ENTPD4: variants seen among roughly 807,000 people sequenced by gnomAD.
The protein encoded by ENTPD4 is ectonucleoside triphosphate diphosphohydrolase 4, also known as Golgi UDPase.
In ENTPD4, 60 loss-of-function variants were observed where a neutral mutation model predicts 79.1. The observed-to-expected ratio is 0.76, with a 90% CI of 0.62 to 0.94. The LOEUF (loss-of-function observed/expected upper bound fraction) is 0.94. ENTPD4 is among the 40% of genes least tolerant of loss of function. ENTPD4 has a pLI of 0.00. For synonymous variants in ENTPD4, 276 were observed against 292.0 expected, an observed-to-expected ratio of 0.95 and a Z score of 0.56; for missense variants, 772 against 775.1, an observed-to-expected ratio of 1.00 and a Z score of 0.05.
rs764827906 is a variant in ENTPD4 at position 23,441,623 on chromosome 8, C to T, written c.828G>A (p.Ser276=). Reference sequence around the variant, plus strand: ...TGGGGACTTCGTACGCTATCTGAGTCGACACGCCGCCCATGTCGAGAATGC... The same window carrying T: ...TGGGGACTTCGTACGCTATCTGAGTTGACACGCCGCCCATGTCGAGAATGC... ...TAGILDMGGV[S]TQIAYEVPKT... is the part of the protein sequence containing the mutation. The change falls in exon 8 of 13, where the codon TCG becomes TCA. Residue 276 remains serine, a synonymous_variant. Coordinates refer to ENST00000358689, the MANE Select transcript of ENTPD4 (RefSeq NM_004901.5). The T allele has an allele frequency of 3.1e-6, 5 of 1,614,182 alleles. No homozygotes were observed. The highest frequency in any genetic ancestry group is 1.1e-5 in the South Asian group (1 of 91,080).
chr8:23,447,634 G>C, intron 4 of ENTPD4, 46 bp downstream of exon 4: 12 of 1,450,410 alleles, frequency 8.3e-6, no homozygotes, highest in Non-Finnish European at 1.2e-5. Context: ...CACAGAGAAT[G>C]AAGGTACACA....
In ENTPD4 at chr8:23,439,804, C is replaced by T. The variant is rs775250475; in HGVS notation, c.994G>A (p.Ala332Thr). The T allele has an allele frequency of 6.2e-7, 1 of 1,614,210 alleles. No homozygotes were observed. Among genetic ancestry groups the T allele is most frequent in the South Asian group, 1.1e-5 (1 of 91,084 alleles). ...VATFLGFGGNAARQRYEDRIF... is the reference protein window; with the variant it reads ...VATFLGFGGNTARQRYEDRIF... ...CTGTCTTCGTATCTCTGTCGAGCAGCATTGCCACCAAACCCAAGAAACGTG... is the reference window on the plus strand; with the variant it reads ...CTGTCTTCGTATCTCTGTCGAGCAGTATTGCCACCAAACCCAAGAAACGTG... The change falls in exon 9 of 13, where the codon GCT (alanine) becomes ACT (threonine). Residue 332 changes from alanine to threonine, a missense_variant. By Grantham distance (58) the Ala-to-Thr change is moderately conservative. Transcript: ENST00000358689.
chr8:23,436,272 C>T (rs546929897), intron 10 of ENTPD4, among the ~76,000 whole-genome samples: 58 of 152,194 alleles, frequency 3.8e-4, no homozygotes, highest in Non-Finnish European at 6.8e-4. Flanking sequence ...TGACTGATTA[C>T]ACTGGGGTGT....
intron 5 of ENTPD4, 150 bp from the exon 6 acceptor site, chr8:23,444,103 T>C (rs1391774710): frequency 1.8e-6 from 1 of 566,026 alleles, no homozygotes; most frequent in Non-Finnish European, 3.1e-6. Flanking sequence ...AAGAAATTCG[T>C]TGGAAAGATT....
chr8:23,431,222 C>T lies in ENTPD4; in HGVS notation c.*1704G>A. ...ACAGGCCTTTTCTCTCCTGTTTCTC[C>T]AAACTCTCCCAGCCTCTGCCCAGTA... On this transcript the variant is annotated 3_prime_UTR_variant, in exon 13 of 13. Transcript: ENST00000358689. 1.8e-6 allele frequency: 1 copy of T among 567,862 alleles called. No individual in the cohort carries two copies. Among genetic ancestry groups the T allele is most frequent in the Non-Finnish European group, 2.2e-6 (1 of 449,118 alleles). The allele number at this position is 567,862 out of a possible 1,614,324, so 35.2% of individuals were successfully genotyped here. A position where few individuals can be genotyped will look rare whatever the true frequency, so the allele number is the denominator to read the frequency against.
chr8:23,439,999 C>G lies in ENTPD4; in HGVS notation c.883-84G>C, dbSNP rs79334888. 7.0e-3 allele frequency: 8,085 copies of G among 1,158,628 alleles called. 375 individuals carry two copies. The African/African-American group carries it at 0.1, about 15-fold the overall frequency. 71.8% of individuals were successfully genotyped at this position (1,158,628 alleles called of 1,614,324 possible). A position where few individuals can be genotyped will look rare whatever the true frequency, so the allele number is the denominator to read the frequency against. ...AAGAAAAGTCTAAAAATAGTCTCAT[C>G]TAAAAGGGACAAAAATGTCTGCTTC... On this transcript the variant is annotated intron_variant, in intron 8 of 12. Coordinates refer to ENST00000358689, the MANE Select transcript of ENTPD4 (RefSeq NM_004901.5).
Position 23,429,192 on chromosome 8 carries a change from T to C in ENTPD4, c.*3734A>G, listed in dbSNP as rs1800413996. 1.0e-6 allele frequency: 1 copy of C among 985,346 alleles called. No individual in the cohort carries two copies. Among genetic ancestry groups the C allele is most frequent in the Admixed American group, 6.1e-5 (1 of 16,276 alleles). 61.0% of individuals were successfully genotyped at this position (985,346 alleles called of 1,614,324 possible). On this transcript the variant is annotated 3_prime_UTR_variant, in exon 13 of 13. Coordinates refer to ENST00000358689, the MANE Select transcript of ENTPD4 (RefSeq NM_004901.5). The stretch of plus-strand genomic sequence containing the variant: ...TGATGAACTTTCGTTTTATTGATTT[T>C]TCAGTACCCAAGTGTGGCACTGTAA...
chr8:23,453,719 T>TG (rs1800904878), intron 1 of ENTPD4, among the ~76,000 whole-genome samples: 1 of 152,182 alleles, frequency 6.6e-6, no homozygotes, highest in South Asian at 2.1e-4. Flanking sequence ...CTGGGGGTAC[T>TG]GGGGTGACAC....
intron 3 of ENTPD4, 127 bp from the exon 4 acceptor site, chr8:23,448,012 T>C: frequency 8.8e-6 from 6 of 685,380 alleles, no homozygotes; most frequent in South Asian, 7.2e-5. Context: ...ATAACATCAA[T>C]ACAACTGTTG....
chr8:23,429,754 C>T lies in ENTPD4; in HGVS notation c.*3172G>A, dbSNP rs78390958. ...TGGGCAGGGGCCCCATGTTACTGGC[C>T]TCAGCCACCAGCAGCGTCTTCACTC... On this transcript the variant is annotated 3_prime_UTR_variant, in exon 13 of 13. Coordinates refer to ENST00000358689, the MANE Select transcript of ENTPD4 (RefSeq NM_004901.5). 1 of 985,470 alleles carries T rather than the reference C, an allele frequency of 1.0e-6. No individual in the cohort carries two copies. The highest frequency in any genetic ancestry group is 1.7e-5 in the African/African-American group (1 of 57,366). The allele number at this position is 985,470 out of a possible 1,614,324, so 61.0% of individuals were successfully genotyped here. A position where few individuals can be genotyped will look rare whatever the true frequency, so the allele number is the denominator to read the frequency against.
rs1267500648 is a variant in ENTPD4, at chr8:23,431,822, A to G, written c.*1104T>C. On this transcript the variant is annotated 3_prime_UTR_variant, in exon 13 of 13. Coordinates refer to ENST00000358689, the MANE Select transcript of ENTPD4 (RefSeq NM_004901.5). ...TAAAACCGAAACTGGTGAAACTAGG[A>G]ATTTCCAATTCTTTCAAAACCACAG... is the stretch of plus-strand genomic sequence containing the variant. 1.0e-6 allele frequency: 1 copy of G among 985,340 alleles called. No homozygotes were observed. Among genetic ancestry groups the G allele is most frequent in the Non-Finnish European group, 1.2e-6 (1 of 829,940 alleles). 61.0% of individuals were successfully genotyped at this position (985,340 alleles called of 1,614,324 possible).
At chr8:23,450,333 C>G (rs1011444306) in intron 1 of ENTPD4, among the ~76,000 whole-genome samples, 1 of 152,208 alleles carries the variant, frequency 6.6e-6, no homozygotes, top group African/African-American at 2.4e-5. Context: ...GCAGAATAAG[C>G]TGAATGTGAA....
intron 1 of ENTPD4, among the ~76,000 whole-genome samples, chr8:23,451,284 T>C (rs1252363477): frequency 6.6e-6 from 1 of 152,178 alleles, no homozygotes; most frequent in Non-Finnish European, 1.5e-5. Context: ...CCTCCCAAAG[T>C]GCTGGGATTA....
At chr8:23,434,140 G>C in intron 12 of ENTPD4, 177 bp downstream of exon 12, 1 of 710,474 alleles carries the variant, frequency 1.4e-6, no homozygotes, top group Non-Finnish European at 2.4e-6. Context: ...GGTGAGAAGG[G>C]AGGAAGCACT....
At position 23,443,830 on chromosome 8, in the gene ENTPD4, C is replaced by A; in HGVS notation, c.667+20G>T. 2 of 1,524,882 alleles carry A rather than the reference C, an allele frequency of 1.3e-6. No individual in the cohort carries two copies. Among genetic ancestry groups the A allele is most frequent in the South Asian group, 1.1e-5 (1 of 88,566 alleles). The allele number at this position is 1,524,882 out of a possible 1,614,324, so 94.5% of individuals were successfully genotyped here. On this transcript the variant is annotated intron_variant, in intron 6 of 12. Transcript: ENST00000358689. ...AAGGAACAGCTTCCCAAATTTTAAACTGAAGACCAATATACCAACCTTCTT... is the reference window on the plus strand; with the variant it reads ...AAGGAACAGCTTCCCAAATTTTAAAATGAAGACCAATATACCAACCTTCTT...
intron 4 of ENTPD4, among the ~76,000 whole-genome samples, chr8:23,446,294 G>A (rs974346351): frequency 2.6e-5 from 4 of 152,308 alleles, no homozygotes; most frequent in Admixed American, 2.6e-4. Flanking sequence ...AGGCATGGAA[G>A]TTTTCATCTT....
chr8:23,453,665 A>G (rs1339119802), intron 1 of ENTPD4, among the ~76,000 whole-genome samples: 3 of 152,236 alleles, frequency 2.0e-5, no homozygotes, highest in Non-Finnish European at 4.4e-5. Flanking sequence ...GAAAAGGTCG[A>G]TGAGTACTGC....
intron 6 of ENTPD4, among the ~76,000 whole-genome samples, chr8:23,443,187 C>G (rs536526470): frequency 6.6e-6 from 1 of 152,184 alleles, no homozygotes; most frequent in Non-Finnish European, 1.5e-5. Context: ...AAAATGCCTC[C>G]CTCTTAAGAA....
At chr8:23,451,654 C>G (rs1399749340) in intron 1 of ENTPD4, among the ~76,000 whole-genome samples, 1 of 152,206 alleles carries the variant, frequency 6.6e-6, no homozygotes, top group African/African-American at 2.4e-5. Context: ...ATCGTCTGCT[C>G]TCTCCTCCTT....
Sources: gnomAD v4.1 joint callset for allele counts (sites outside exome capture counted in the v4.1 genomes callset) on GRCh38, gnomAD v4.1.1 for gene constraint, MANE v1.5 for transcripts, NCBI Gene and HGNC (gene_info 2026-07-23, HGNC 2026-07-21) for gene names.